The following CUX1 variants were observed in gnomAD, a reference collection of about 807,000 sequenced individuals.
The protein encoded by CUX1 is cut like homeobox 1.
A neutral mutation model predicts 158.8 loss-of-function variants in CUX1; 31 were observed. The ratio of observed to expected loss-of-function variants is 0.20; its 90% CI spans 0.15 to 0.26. The LOEUF (loss-of-function observed/expected upper bound fraction) is 0.26. CUX1 is among the 10% of genes least tolerant of loss of function. The pLI, the probability that CUX1 is intolerant of heterozygous loss-of-function variation, is 1.00. For missense variants in CUX1, 1,589 were observed against 2,014.6 expected, an observed-to-expected ratio of 0.79 and a Z score of 4.04; for synonymous variants, 879 against 862.1, an observed-to-expected ratio of 1.02 and a Z score of -0.34.
chr7:102,132,511 C>T (rs1554497607), intron 8 of CUX1, among the ~76,000 whole-genome samples: 2 of 151,784 alleles, frequency 1.3e-5, no homozygotes, highest in Non-Finnish European at 2.9e-5. Context: ...TCTTCCTCTG[C>T]CCGACCATAC....
At chr7:102,151,868 G>A (rs544923829) in intron 8 of CUX1, among the ~76,000 whole-genome samples, 17 of 151,446 alleles carry the variant, frequency 1.1e-4, no homozygotes, top group Non-Finnish European at 2.1e-4. Flanking sequence ...TACTCAGCTA[G>A]TTGTATTTTT....
intron 1 of CUX1, among the ~76,000 whole-genome samples, chr7:101,854,993 C>G (rs1227609629): frequency 1.3e-5 from 2 of 152,236 alleles, no homozygotes; most frequent in African/African-American, 4.8e-5. Context: ...CCTCAGCCTC[C>G]CGAAGTGCTG....
rs766367220 is a variant in CUX1 at position 102,274,430 on chromosome 7, C to T, written c.1450+120C>T. ...TTCCTCTAAGAAGGTCAGGCCCCCA[C>T]GCCTGCAATGCAGCAGCAACCTTCA... is the stretch of plus-strand genomic sequence containing the variant. On this transcript the variant is annotated intron_variant, in intron 16 of 22. Coordinates refer to the CUX1 transcript ENST00000292538. 1.4e-4 allele frequency: 110 copies of T among 788,440 alleles called. 1 individual carries two copies. The highest frequency in any genetic ancestry group is 1.9e-4 in the Non-Finnish European group (91 of 489,712). 48.8% of individuals were successfully genotyped at this position (788,440 alleles called of 1,614,324 possible).
chr7:102,164,290 T>C (rs782573136), intron 9 of CUX1, among the ~76,000 whole-genome samples: 1 of 152,230 alleles, frequency 6.6e-6, no homozygotes, highest in Non-Finnish European at 1.5e-5. Flanking sequence ...ACCAAAGTAC[T>C]GGGACTACAG....
intron 20 of CUX1, among the ~76,000 whole-genome samples, chr7:102,222,383 T>C (rs1433581280): frequency 2.0e-5 from 3 of 152,110 alleles, no homozygotes; most frequent in Non-Finnish European, 4.4e-5. Context: ...GGTCGAGGTT[T>C]TCCCCTCCTG....
chr7:102,085,466 TAGTG>T (rs1435055234), intron 4 of CUX1, among the ~76,000 whole-genome samples: 3 of 152,126 alleles, frequency 2.0e-5, no homozygotes, highest in Non-Finnish European at 2.9e-5. Flanking sequence ...GTTCTTGGGA[TAGTG>T]AGTGAGTTCT....
At chr7:102,278,164 G>A in intron 18 of CUX1, 1 of 745,404 alleles carries the variant, frequency 1.3e-6, no homozygotes. Flanking sequence ...AAGACCTGCT[G>A]GGCAGCACTG....
intron 1 of CUX1, among the ~76,000 whole-genome samples, chr7:101,903,650 C>T (rs764036533): frequency 1.4e-4 from 22 of 152,154 alleles, no homozygotes; most frequent in Non-Finnish European, 2.5e-4. Context: ...GCCACAGAGC[C>T]GGCCACGTGG....
intron 2 of CUX1, among the ~76,000 whole-genome samples, chr7:101,973,390 C>G (rs372262909): frequency 6.6e-6 from 1 of 152,156 alleles, no homozygotes; most frequent in African/African-American, 2.4e-5. Flanking sequence ...ACCACTGCCC[C>G]CCAGCCCTCC....
chr7:102,224,748 A>G lies in CUX1; in HGVS notation c.3131-2619A>G, dbSNP rs906950643. ...GGCGCACTGGAAGAAAGAACTGTACAGCCTCTGAGTTTCGTGGTGGCTCTG... is the reference window on the plus strand; with the variant it reads ...GGCGCACTGGAAGAAAGAACTGTACGGCCTCTGAGTTTCGTGGTGGCTCTG... On this transcript the variant is annotated intron_variant, in intron 20 of 23. Coordinates refer to ENST00000292535, the MANE Select transcript of CUX1 (RefSeq NM_181552.4). Among the ~76,000 whole-genome samples, 4 of 152,292 alleles carry G rather than the reference A, an allele frequency of 2.6e-5. No homozygotes were observed. The East Asian group carries it at 7.7e-4, about 29-fold the overall frequency.
intron 3 of CUX1, among the ~76,000 whole-genome samples, chr7:102,061,513 C>T (rs909330055): frequency 2.6e-5 from 4 of 152,102 alleles, no homozygotes; most frequent in Non-Finnish European, 5.9e-5. Context: ...TTGACAGCAA[C>T]CAAGATGTAT....
In CUX1 at chr7:102,255,328, G is replaced by A. The variant is rs548773618; in HGVS notation, c.*6286G>A. On this transcript the variant is annotated 3_prime_UTR_variant, in exon 24 of 24. Coordinates refer to ENST00000292535, the MANE Select transcript of CUX1 (RefSeq NM_181552.4). ...AGCTTTAACAAGACATTTCCAAAGC[G>A]CCTAGTCTCCTCCAAAATGCTAACT... 2.4e-5 allele frequency: 24 copies of A among 980,288 alleles called. No homozygotes were observed. The highest frequency in any genetic ancestry group is 1.2e-4 in the East Asian group (1 of 8,666). 60.7% of individuals were successfully genotyped at this position (980,288 alleles called of 1,614,324 possible).
intron 2 of CUX1, among the ~76,000 whole-genome samples, chr7:101,945,556 C>G (rs1285947381): frequency 6.6e-6 from 1 of 152,132 alleles, no homozygotes; most frequent in Non-Finnish European, 1.5e-5. Context: ...AGGTCATAGT[C>G]CTGGCCTCGT....
At chr7:102,023,785 G>A (rs1253552014) in intron 2 of CUX1, among the ~76,000 whole-genome samples, 2 of 152,208 alleles carry the variant, frequency 1.3e-5, no homozygotes, top group African/African-American at 2.4e-5. Flanking sequence ...ATCAGTTTGT[G>A]TATGATACGT....
chr7:101,981,837 T>C lies in CUX1; in HGVS notation c.142-46261T>C, dbSNP rs113808219. Among the ~76,000 whole-genome samples the C allele has an allele frequency of 6.6e-5, 10 of 152,268 alleles. 1 individual carries two copies. Among genetic ancestry groups the C allele is most frequent in the African/African-American group, 2.4e-4 (10 of 41,556 alleles). ...TGTTGGCCAGGCTGGTTTTGAACTC[T>C]TGACCTCAAGTGATCTGCCGCCTTG... is the stretch of plus-strand genomic sequence containing the variant. On this transcript the variant is annotated intron_variant, in intron 2 of 23. Transcript: ENST00000292535.
intron 11 of CUX1, among the ~76,000 whole-genome samples, chr7:102,186,545 A>C (rs574649240): frequency 6.6e-6 from 1 of 152,158 alleles, no homozygotes; most frequent in East Asian, 1.9e-4. Flanking sequence ...GTTGTTGTGC[A>C]ATCATAGTGT....
intron 4 of CUX1, among the ~76,000 whole-genome samples, chr7:102,073,452 C>T (rs1271333118): frequency 6.6e-6 from 1 of 152,208 alleles, no homozygotes; most frequent in Non-Finnish European, 1.5e-5. Flanking sequence ...GGATTACAGG[C>T]GTGAGCCACC....
At chr7:101,993,155 C>T (rs1193592477) in intron 2 of CUX1, among the ~76,000 whole-genome samples, 2 of 152,018 alleles carry the variant, frequency 1.3e-5, no homozygotes, top group East Asian at 3.9e-4. Flanking sequence ...CATGGCAAAA[C>T]CCCGTCTCTA....
rs184062558 is a variant in CUX1 at position 102,088,315 on chromosome 7, G to T, written c.269-9049G>T. Among the ~76,000 whole-genome samples, 936 of 152,142 alleles carry T rather than the reference G, an allele frequency of 6.2e-3. 13 individuals carry two copies. The highest frequency in any genetic ancestry group is 0.022 in the African/African-American group (905 of 41,514). On this transcript the variant is annotated intron_variant, in intron 4 of 23. Coordinates refer to ENST00000292535, the MANE Select transcript of CUX1 (RefSeq NM_181552.4). ...GTCCAGCCACCTTCATTTTTAAAGA[G>T]TATTTTTTGTCAGATATAAAATAGT...
Sources: gnomAD v4.1 joint callset for allele counts (sites outside exome capture counted in the v4.1 genomes callset) on GRCh38, gnomAD v4.1.1 for gene constraint, MANE v1.5 for transcripts, NCBI Gene and HGNC (gene_info 2026-07-23, HGNC 2026-07-21) for gene names.